FAAH2: variants seen among roughly 807,000 people sequenced by gnomAD.
FAAH2 encodes the protein fatty-acid amide hydrolase 2.
In FAAH2, 60 loss-of-function variants were observed where a neutral mutation model predicts 36.9. The observed-to-expected ratio is 1.63, with a 90% CI of 1.32 to 2.02. FAAH2 has a LOEUF of 2.02. Ranked by LOEUF, FAAH2 falls within the 30% of genes most tolerant of loss-of-function variation. The pLI is 0.00. For missense variants in FAAH2, 689 were observed against 397.5 expected (o/e 1.73, Z -6.23); for synonymous variants, 214 against 143.8 (o/e 1.49, Z -3.49).
intron 10 of FAAH2, among the ~76,000 whole-genome samples, chrX:57,462,190 C>T (rs1374669579): frequency 3.5e-5 from 3 of 86,698 alleles, no homozygotes; most frequent in Non-Finnish European, 7.6e-5. Flanking sequence ...AAAAAAAACC[C>T]AGGACCAGAC....
In FAAH2 at chrX:57,416,960, C is replaced by T. The variant is rs141435612; in HGVS notation, c.997-14958C>T. Among the ~76,000 whole-genome samples, 135 of 111,134 alleles carry T rather than the reference C, an allele frequency of 1.2e-3. 1 individual carries two copies. Among genetic ancestry groups the T allele is most frequent in the African/African-American group, 1.6e-3 (49 of 30,641 alleles). On this transcript the variant is annotated intron_variant, in intron 7 of 10. Coordinates refer to ENST00000374900, the MANE Select transcript of FAAH2 (RefSeq NM_174912.4). The stretch of plus-strand genomic sequence containing the variant: ...CTTTTTTTTTCTAATCTTGTCTTAA[C>T]GCTTTATTTTATTAAGTTAATCTTC...
intron 3 of FAAH2, among the ~76,000 whole-genome samples, chrX:57,315,367 A>C (rs1292440353): frequency 1.4e-4 from 16 of 111,461 alleles, no homozygotes; most frequent in African/African-American, 4.9e-4. Context: ...AAACTATTCT[A>C]AAAAATGGAG....
the FAAH2 span, among the ~76,000 whole-genome samples, chrX:57,178,663 T>G: frequency 8.9e-6 from 1 of 111,903 alleles, no homozygotes; most frequent in Non-Finnish European, 1.9e-5. Context: ...CCCTAGTTGC[T>G]GGGGTAATAT....
the FAAH2 span, among the ~76,000 whole-genome samples, chrX:57,259,937 A>G: frequency 1.8e-5 from 2 of 111,985 alleles, no homozygotes. Flanking sequence ...ACAAATTTTA[A>G]TAATAGTGAC....
chrX:57,133,180 A>G, the FAAH2 span, among the ~76,000 whole-genome samples: 1 of 112,133 alleles, frequency 8.9e-6, no homozygotes, highest in Non-Finnish European at 1.9e-5. Context: ...AGACACTATG[A>G]AAATACATTA....
At chrX:57,479,173 G>A (rs2057330109) in intron 10 of FAAH2, among the ~76,000 whole-genome samples, 1 of 111,179 alleles carries the variant, frequency 9.0e-6, no homozygotes, top group Admixed American at 9.6e-5. Flanking sequence ...TTGAGCAGTG[G>A]TTTGTAGTTC....
At chrX:57,460,472 C>G (rs1221236699) in intron 10 of FAAH2, among the ~76,000 whole-genome samples, 1 of 111,843 alleles carries the variant, frequency 8.9e-6, no homozygotes, top group Non-Finnish European at 1.9e-5. Context: ...TGCAGAAACC[C>G]TACAAGCCAG....
rs999183168 is a variant in FAAH2, at chrX:57,348,659, C to A, written c.742+7269C>A. 3.6e-5 allele frequency among the ~76,000 whole-genome samples: 4 copies of A among 111,501 alleles called. No homozygotes were observed. In the South Asian group the frequency reaches 1.1e-3, roughly 31 times the overall value. On this transcript the variant is annotated intron_variant, in intron 5 of 10. Transcript: ENST00000374900. ...TCACTAACAAGCATACCCAAACACA[C>A]AGAAGGAAACCGCAGATAGCTCTTT...
the FAAH2 span, among the ~76,000 whole-genome samples, chrX:57,263,624 G>A: frequency 9.0e-6 from 1 of 111,417 alleles, no homozygotes; most frequent in African/African-American, 3.3e-5. Context: ...ATAAGTGAAG[G>A]CAAAGAAAAT....
chrX:57,323,591 T>C lies in FAAH2; in HGVS notation c.413-8007T>C, dbSNP rs781005132. ...GCATTTCTCTGATGGACAGTGATGATAAGCATTTTTTTCATGTGTCTTTTG... is the reference window on the plus strand; with the variant it reads ...GCATTTCTCTGATGGACAGTGATGACAAGCATTTTTTTCATGTGTCTTTTG... On this transcript the variant is annotated intron_variant, in intron 3 of 10. Coordinates refer to ENST00000374900, the MANE Select transcript of FAAH2 (RefSeq NM_174912.4). Among the ~76,000 whole-genome samples the C allele has an allele frequency of 9.8e-5, 11 of 111,723 alleles. No individual in the cohort carries two copies. The South Asian group carries it at 4.2e-3, about 42-fold the overall frequency.
chrX:57,182,357 G>T, the FAAH2 span, among the ~76,000 whole-genome samples: 11 of 111,708 alleles, frequency 9.8e-5, no homozygotes, highest in Non-Finnish European at 1.3e-4. Context: ...TCCAGCATCT[G>T]TAAGGATCTT....
the FAAH2 span, among the ~76,000 whole-genome samples, chrX:57,245,887 T>A: frequency 9.0e-6 from 1 of 110,588 alleles, no homozygotes; most frequent in Non-Finnish European, 1.9e-5. Context: ...AGAGCAAAAC[T>A]GAAAGAGATA....
At chrX:57,469,544 GCTAA>G (rs1264634474) in intron 10 of FAAH2, among the ~76,000 whole-genome samples, 3 of 112,008 alleles carry the variant, frequency 2.7e-5, no homozygotes, top group African/African-American at 9.8e-5. Context: ...AATAAGAAGA[GCTAA>G]CTATCCTAAA....
the FAAH2 span, among the ~76,000 whole-genome samples, chrX:57,267,104 C>CAG: frequency 1.2e-4 from 13 of 112,480 alleles, no homozygotes; most frequent in African/African-American, 4.2e-4. Flanking sequence ...ATGCCTGTCC[C>CAG]ATGGAAAGCT....
chrX:57,335,783 T>C (rs1388661947), intron 4 of FAAH2, among the ~76,000 whole-genome samples: 2 of 112,088 alleles, frequency 1.8e-5, no homozygotes, highest in Non-Finnish European at 3.8e-5. Context: ...GGGAGAAACC[T>C]TGGACAATAC....
intron 3 of FAAH2, among the ~76,000 whole-genome samples, chrX:57,324,379 A>G (rs1602275319): frequency 8.9e-6 from 1 of 112,173 alleles, no homozygotes; most frequent in South Asian, 3.7e-4. Flanking sequence ...CTGTGAAGAA[A>G]GTCTTTGGTA....
At chrX:57,162,704 A>G in the FAAH2 span, among the ~76,000 whole-genome samples, 4 of 111,723 alleles carry the variant, frequency 3.6e-5, no homozygotes, top group Non-Finnish European at 7.5e-5. Context: ...CTTGGTTTTC[A>G]GCTCCATCAG....
At chrX:57,479,654 A>G (rs2057340821) in intron 10 of FAAH2, among the ~76,000 whole-genome samples, 1 of 111,560 alleles carries the variant, frequency 9.0e-6, no homozygotes, top group African/African-American at 3.3e-5. Flanking sequence ...ATTTTGAGAT[A>G]CGTCCCATCA....
At chrX:57,430,829 C>A (rs1238776020) in intron 7 of FAAH2, among the ~76,000 whole-genome samples, 1 of 111,633 alleles carries the variant, frequency 9.0e-6, no homozygotes, top group African/African-American at 3.3e-5. Flanking sequence ...TCTTCAAAGA[C>A]GATAGGGTTC....
Sources: allele counts gnomAD v4.1 joint callset (sites outside exome capture counted in the v4.1 genomes callset), GRCh38; gene constraint gnomAD v4.1.1; transcripts MANE v1.5; gene names NCBI Gene and HGNC (gene_info 2026-07-23, HGNC 2026-07-21).